PHF3: variants seen among roughly 807,000 people sequenced by gnomAD.
The protein encoded by PHF3 is PHD finger protein 3.
PHF3 carries 41 observed loss-of-function variants against 178.4 expected under a neutral mutation model. The observed-to-expected ratio is 0.23, with a 90% CI of 0.18 to 0.30. The LOEUF is 0.30. Ranked by LOEUF, PHF3 falls within the 10% of genes least tolerant of loss-of-function variation. The pLI is 1.00. For synonymous variants in PHF3, 842 were observed against 800.5 expected, an observed-to-expected ratio of 1.05 and a Z score of -0.88; for missense variants, 2,346 against 2,398.1, an observed-to-expected ratio of 0.98 and a Z score of 0.45.
In PHF3 at chr6:63,711,578, T is replaced by A. The variant is rs1561984849; in HGVS notation, c.3998-8T>A. On this transcript the variant is annotated splice_region_variant and splice_polypyrimidine_tract_variant and intron_variant, in intron 15 of 15. Transcript: ENST00000262043. ...GATGAATTAATTGATGTTTTTGGTT[T>A]TATACAGGGCTTGAACTGCATAGAC... The A allele has an allele frequency of 6.4e-7, 1 of 1,553,390 alleles. No individual in the cohort carries two copies.
intron 2 of PHF3, among the ~76,000 whole-genome samples, chr6:63,675,748 C>A (rs998938077): frequency 6.6e-6 from 1 of 152,190 alleles, no homozygotes; most frequent in Admixed American, 6.5e-5. Context: ...CATCACTTAC[C>A]TTCCAAGTTA....
intron 2 of PHF3, among the ~76,000 whole-genome samples, chr6:63,655,059 AATTATT>A (rs747986222): frequency 1.3e-5 from 2 of 150,950 alleles, no homozygotes; most frequent in East Asian, 1.9e-4. Flanking sequence ...ACGCCCTGCT[AATTATT>A]ATTATTATTA....
At chr6:63,659,900 G>A (rs1056831406) in intron 2 of PHF3, among the ~76,000 whole-genome samples, 3 of 152,132 alleles carry the variant, frequency 2.0e-5, no homozygotes, top group African/African-American at 7.2e-5. Flanking sequence ...TAATATGTAA[G>A]TCATGGTACA....
intron 2 of PHF3, among the ~76,000 whole-genome samples, chr6:63,657,898 A>G (rs6914590): frequency 1.6e-4 from 24 of 152,334 alleles, no homozygotes; most frequent in African/African-American, 3.8e-4. Context: ...TTGCTGTGGG[A>G]TAAGTAGGCT....
chr6:63,702,120 A>G (rs1484564001), intron 9 of PHF3, among the ~76,000 whole-genome samples: 1 of 152,244 alleles, frequency 6.6e-6, no homozygotes, highest in African/African-American at 2.4e-5. Context: ...ATGTTAGAAC[A>G]TTGAATTAGG....
intron 2 of PHF3, among the ~76,000 whole-genome samples, chr6:63,653,144 A>G (rs1582010546): frequency 1.8e-5 from 1 of 56,090 alleles, no homozygotes; most frequent in Non-Finnish European, 3.8e-5. Context: ...GCTCAGGATT[A>G]TGTTGGCTAG....
intron 10 of PHF3, 125 bp downstream of exon 10, chr6:63,702,764 T>C: frequency 3.2e-6 from 3 of 932,434 alleles, no homozygotes; most frequent in Non-Finnish European, 4.8e-6. Context: ...AGTAGCCTAT[T>C]TTATTGGTTT....
At chr6:63,670,508 G>A (rs186879186) in intron 2 of PHF3, among the ~76,000 whole-genome samples, 4 of 152,046 alleles carry the variant, frequency 2.6e-5, no homozygotes, top group African/African-American at 9.6e-5. Context: ...GGATGGTCTC[G>A]ATCTCCTGAC....
At chr6:63,667,644 G>T (rs1765736558) in intron 2 of PHF3, among the ~76,000 whole-genome samples, 2 of 152,146 alleles carry the variant, frequency 1.3e-5, no homozygotes, top group African/African-American at 4.8e-5. Context: ...CACCCGGTTT[G>T]TTCAACTCAG....
rs1467057826 is a variant in PHF3 at position 63,679,978 on chromosome 6, T to C, written c.245-22T>C. On this transcript the variant is annotated intron_variant, in intron 2 of 15. Coordinates refer to ENST00000262043, the MANE Select transcript of PHF3 (RefSeq NM_001370348.2). ...CATTCCCAATATTTTTAAAAGTTAA[T>C]TTTTTTGTCGTTTTTTTCTAGTTGT... 3.1e-6 allele frequency: 5 copies of C among 1,597,406 alleles called. No individual in the cohort carries two copies. In the South Asian group the frequency reaches 4.5e-5, roughly 14 times the overall value.
intron 1 of PHF3, among the ~76,000 whole-genome samples, chr6:63,643,635 A>G (rs1394395924): frequency 6.6e-6 from 1 of 152,206 alleles, no homozygotes; most frequent in Non-Finnish European, 1.5e-5. Flanking sequence ...TGATGAATAA[A>G]TAAACGGTAT....
chr6:63,706,130 G>C lies in PHF3; in HGVS notation c.3469G>C (p.Asp1157His). 1 of 1,613,966 alleles carries C rather than the reference G, an allele frequency of 6.2e-7. No homozygotes were observed. The highest frequency in any genetic ancestry group is 1.6e-4 in the Middle Eastern group (1 of 6,062). ...AGACAATGAAGCAGAAAGTATAGCA[G>C]ATGCATTATCTTCAACCTCAAATAT... is the stretch of plus-strand genomic sequence containing the variant. ...HSDNEAESIA[D>H]ALSSTSNILA... Residue 1157 changes from aspartate to histidine, a missense_variant, in exon 12 of 16, where the codon GAT becomes CAT. Around this residue, in one of 8 missense-constraint regions of PHF3, gnomAD observed 205 missense variants for 212.4 expected, o/e 0.97. Coordinates refer to ENST00000262043, the MANE Select transcript of PHF3 (RefSeq NM_001370348.2).
Position 63,720,531 on chromosome 6 carries a change from C to CAA in PHF3, c.*6825_*6826dup. The CAA allele has an allele frequency of 2.5e-6, 3 of 1,214,050 alleles. No individual in the cohort carries two copies. The highest frequency in any genetic ancestry group is 2.2e-6 in the Non-Finnish European group (2 of 893,326). 75.2% of individuals were successfully genotyped at this position (1,214,050 alleles called of 1,614,324 possible). A position where few individuals can be genotyped will look rare whatever the true frequency, so the allele number is the denominator to read the frequency against. On this transcript the variant is annotated 3_prime_UTR_variant, in exon 16 of 16. Coordinates refer to ENST00000262043, the MANE Select transcript of PHF3 (RefSeq NM_001370348.2). ...AGTTGATTCCCCGTAAGCAATGTAT[C>CAA]AAAGAAATAACTATCAAAATAACTG...
intron 1 of PHF3, among the ~76,000 whole-genome samples, chr6:63,644,507 C>G (rs966350047): frequency 6.6e-6 from 1 of 152,020 alleles, no homozygotes; most frequent in Non-Finnish European, 1.5e-5. Flanking sequence ...GGAACTTGTC[C>G]TGAGTTTTCT....
chr6:63,690,542 A>G (rs1279865444), intron 4 of PHF3, among the ~76,000 whole-genome samples: 1 of 152,222 alleles, frequency 6.6e-6, no homozygotes, highest in African/African-American at 2.4e-5. Context: ...TGACCATATC[A>G]CCCAGTGTGT....
At chr6:63,689,646 T>C (rs1355345093) in intron 4 of PHF3, among the ~76,000 whole-genome samples, 2 of 152,206 alleles carry the variant, frequency 1.3e-5, no homozygotes, top group African/African-American at 4.8e-5. Context: ...TTTTGCTTTT[T>C]ATAGCCTCTC....
Position 63,684,758 on chromosome 6 carries a change from A to G in PHF3, c.1036A>G (p.Ser346Gly). 1 of 1,614,032 alleles carries G rather than the reference A, an allele frequency of 6.2e-7. No homozygotes were observed. The highest frequency in any genetic ancestry group is 8.5e-7 in the Non-Finnish European group (1 of 1,179,906). Residue 346 changes from serine to glycine, a missense_variant, in exon 4 of 16, where the codon AGT (serine) becomes GGT (glycine). Ser to Gly is a moderately conservative substitution (Grantham distance 56, BLOSUM62 0). Around this residue, in one of 8 missense-constraint regions of PHF3, gnomAD observed 843 missense variants for 795.2 expected, o/e 1.06. Coordinates refer to ENST00000262043, the MANE Select transcript of PHF3 (RefSeq NM_001370348.2). ...LEDAGSSDIS[S>G]DAACTNPNKT... ...GGACGCTGGATCTTCTGATATTTCT[A>G]GTGATGCTGCTTGTACAAATCCAAA... is the stretch of plus-strand genomic sequence containing the variant.
rs146391248 is a variant in PHF3, at chr6:63,694,734, A to G, written c.2650A>G (p.Thr884Ala). 6.0e-5 allele frequency: 93 copies of G among 1,549,052 alleles called. No homozygotes were observed. The African/African-American group carries it at 1.1e-3, about 18-fold the overall frequency. ...EKIPKESTTV[T>A]CTGEKASKPG... ...AATACCGAAAGAGTCTACAACTGTT[A>G]CTTGCACAGGAGAAAAAGCTTCAAA... The change falls in exon 6 of 16, where the codon ACT becomes GCT. Residue 884 changes from threonine to alanine, a missense_variant. Thr to Ala is a moderately conservative substitution (Grantham distance 58, BLOSUM62 0). Coordinates refer to ENST00000262043, the MANE Select transcript of PHF3 (RefSeq NM_001370348.2).
intron 2 of PHF3, among the ~76,000 whole-genome samples, chr6:63,662,508 C>G (rs1357868990): frequency 6.6e-6 from 1 of 152,104 alleles, no homozygotes; most frequent in African/African-American, 2.4e-5. Flanking sequence ...TGCCTGGATT[C>G]TTTTGGAACT....
Sources: allele counts gnomAD v4.1 joint callset (sites outside exome capture counted in the v4.1 genomes callset), GRCh38; gene constraint gnomAD v4.1.1; regional missense constraint gnomAD v4.1.1; transcripts MANE v1.5; gene names NCBI Gene and HGNC (gene_info 2026-07-23, HGNC 2026-07-21).